RABGAP1L: variants seen among roughly 807,000 people sequenced by gnomAD.
RABGAP1L encodes rab GTPase-activating protein 1-like.
In RABGAP1L, 63 loss-of-function variants were observed where a neutral mutation model predicts 137.7. That is an observed-to-expected ratio of 0.46 (90% confidence interval 0.37 to 0.56). The LOEUF (loss-of-function observed/expected upper bound fraction) is 0.56. Among genes scored for constraint, RABGAP1L ranks in the 20% least tolerant of loss-of-function variants. RABGAP1L has a pLI of 0.00. For synonymous variants in RABGAP1L, 431 were observed against 433.7 expected (o/e 0.99, Z 0.08); for missense variants, 1,095 against 1,244.0 (o/e 0.88, Z 1.80).
At chr1:174,596,674 G>C (rs1669953970) in intron 13 of RABGAP1L, among the ~76,000 whole-genome samples, 1 of 152,048 alleles carries the variant, frequency 6.6e-6, no homozygotes, top group Non-Finnish European at 1.5e-5. Flanking sequence ...AGGATAATTT[G>C]ACTTCTTCCA....
At chr1:174,406,378 G>A (rs1210885409) in intron 13 of RABGAP1L, among the ~76,000 whole-genome samples, 1 of 151,982 alleles carries the variant, frequency 6.6e-6, no homozygotes, top group East Asian at 1.9e-4. Context: ...GGTAAATTAA[G>A]GAAGATATAA....
chr1:174,847,326 T>C (rs1226134280), intron 19 of RABGAP1L, among the ~76,000 whole-genome samples: 1 of 151,654 alleles, frequency 6.6e-6, no homozygotes, highest in Non-Finnish European at 1.5e-5. Flanking sequence ...TCAGCATAGA[T>C]GGTCTTTACA....
chr1:174,693,105 A>G (rs1251500305), intron 15 of RABGAP1L, among the ~76,000 whole-genome samples: 1 of 152,208 alleles, frequency 6.6e-6, no homozygotes, highest in Non-Finnish European at 1.5e-5. Flanking sequence ...ATACAAAAGA[A>G]AAGTGATAGA....
At chr1:174,423,980 G>A (rs1651659864) in intron 13 of RABGAP1L, among the ~76,000 whole-genome samples, 1 of 152,090 alleles carries the variant, frequency 6.6e-6, no homozygotes, top group South Asian at 2.1e-4. Context: ...TAGCCCCCTT[G>A]TTTCTAAAGG....
At chr1:174,343,692 A>G (rs952425165) in intron 11 of RABGAP1L, among the ~76,000 whole-genome samples, 2 of 152,154 alleles carry the variant, frequency 1.3e-5, no homozygotes, top group East Asian at 1.9e-4. Context: ...CTGCCTGCAT[A>G]TTAGTCTAAA....
intron 13 of RABGAP1L, among the ~76,000 whole-genome samples, chr1:174,599,411 A>G (rs917942922): frequency 9.9e-5 from 15 of 152,180 alleles, no homozygotes; most frequent in African/African-American, 3.4e-4. Flanking sequence ...GTATTTGTCT[A>G]TGTACTTCCT....
intron 13 of RABGAP1L, among the ~76,000 whole-genome samples, chr1:174,480,756 A>G (rs529033125): frequency 2.6e-5 from 4 of 152,248 alleles, no homozygotes; most frequent in Admixed American, 1.3e-4. Context: ...TTCTGTCTGA[A>G]GGGAAAGGGG....
At chr1:174,725,113 G>A (rs940696528) in intron 17 of RABGAP1L, among the ~76,000 whole-genome samples, 2 of 152,158 alleles carry the variant, frequency 1.3e-5, no homozygotes, top group Non-Finnish European at 2.9e-5. Flanking sequence ...GGAATTGGAT[G>A]GAGTGACTTA....
At chr1:174,678,702 G>A (rs1318667211) in intron 14 of RABGAP1L, among the ~76,000 whole-genome samples, 1 of 152,176 alleles carries the variant, frequency 6.6e-6, no homozygotes, top group South Asian at 2.1e-4. Context: ...TCTGACCTGG[G>A]GTTCTTGGCC....
At chr1:174,763,870 G>C (rs1573079982) in intron 18 of RABGAP1L, among the ~76,000 whole-genome samples, 1 of 148,754 alleles carries the variant, frequency 6.7e-6, no homozygotes, top group East Asian at 2.0e-4. Flanking sequence ...AGTACAATTA[G>C]TGGTTTGTAG....
At chr1:174,254,728 A>G (rs1003438040) in intron 7 of RABGAP1L, among the ~76,000 whole-genome samples, 2 of 152,106 alleles carry the variant, frequency 1.3e-5, no homozygotes, top group African/African-American at 4.8e-5. Context: ...TTCTTTATCC[A>G]GTCTGTCATT....
chr1:174,485,130 T>G (rs1466985191), intron 13 of RABGAP1L, among the ~76,000 whole-genome samples: 1 of 152,202 alleles, frequency 6.6e-6, no homozygotes, highest in Non-Finnish European at 1.5e-5. Flanking sequence ...ATAGGATTAC[T>G]TTTTAAATTT....
intron 3 of RABGAP1L, among the ~76,000 whole-genome samples, chr1:174,225,988 A>G (rs1468794141): frequency 6.6e-6 from 1 of 152,118 alleles, no homozygotes; most frequent in Non-Finnish European, 1.5e-5. Flanking sequence ...CCAGCATTTC[A>G]GGTAGTTCTG....
At chr1:174,387,424 G>A (rs557325302) in intron 12 of RABGAP1L, among the ~76,000 whole-genome samples, 2 of 152,232 alleles carry the variant, frequency 1.3e-5, no homozygotes, top group Admixed American at 6.5e-5. Flanking sequence ...TAGACCTAAT[G>A]GAAATTTTTG....
chr1:174,752,413 T>C, intron 18 of RABGAP1L, 59 bp downstream of exon 18: 1 of 1,257,814 alleles, frequency 8.0e-7, no homozygotes, highest in Non-Finnish European at 1.1e-6. Context: ...CCCTTGGAAC[T>C]GGAATAATTC....
intron 1 of RABGAP1L, among the ~76,000 whole-genome samples, chr1:174,167,292 T>TTG (rs1251277734): frequency 6.6e-6 from 1 of 152,246 alleles, no homozygotes; most frequent in African/African-American, 2.4e-5. Context: ...ACCATTTTTT[T>TTG]TGTGTGTGTG....
intron 11 of RABGAP1L, among the ~76,000 whole-genome samples, chr1:174,363,756 G>A (rs1684339354): frequency 1.3e-5 from 2 of 151,874 alleles, no homozygotes; most frequent in African/African-American, 4.8e-5. Flanking sequence ...TTATTATGAA[G>A]GAATGATGAA....
chr1:174,682,434 T>C (rs1048091201), intron 14 of RABGAP1L, among the ~76,000 whole-genome samples: 9 of 148,124 alleles, frequency 6.1e-5, no homozygotes, highest in Non-Finnish European at 1.3e-4. Context: ...AATGTAAGAA[T>C]GGTTTTACAT....
chr1:174,458,627 G>T (rs1656310304), intron 13 of RABGAP1L, among the ~76,000 whole-genome samples: 2 of 151,938 alleles, frequency 1.3e-5, no homozygotes. Context: ...CTATTATATA[G>T]CTAATCTACA....
Sources: gnomAD v4.1 joint callset for allele counts (sites outside exome capture counted in the v4.1 genomes callset) on GRCh38, gnomAD v4.1.1 for gene constraint, MANE v1.5 for transcripts, NCBI Gene and HGNC (gene_info 2026-07-23, HGNC 2026-07-21) for gene names.